FHAD1: variants seen among roughly 807,000 people sequenced by gnomAD.
The protein encoded by FHAD1 is forkhead-associated domain-containing protein 1.
A neutral mutation model predicts 191.3 loss-of-function variants in FHAD1; 146 were observed. That is an observed-to-expected ratio of 0.76 (90% CI 0.67 to 0.88). The LOEUF (loss-of-function observed/expected upper bound fraction) is 0.88, where lower values mean the gene tolerates loss of function less well. Among genes scored for constraint, FHAD1 ranks in the 40% least tolerant of loss-of-function variants. The pLI is 0.00. For missense variants in FHAD1, 1,635 were observed against 1,785.8 expected, an observed-to-expected ratio of 0.92 and a Z score of 1.52; for synonymous variants, 616 against 672.3, an observed-to-expected ratio of 0.92 and a Z score of 1.29.
intron 6 of FHAD1, chr1:15,305,715 G>A (rs1170134089): frequency 5.9e-5 from 26 of 438,152 alleles, no homozygotes; most frequent in Non-Finnish European, 9.1e-6. Context: ...GTTTTATCAG[G>A]GGTTTCCGCT....
chr1:15,258,668 C>T (rs527397008), intron 2 of FHAD1, among the ~76,000 whole-genome samples: 1 of 151,844 alleles, frequency 6.6e-6, no homozygotes, highest in South Asian at 2.1e-4. Flanking sequence ...CACTGCCAAC[C>T]TCTGCCACCC....
intron 28 of FHAD1, among the ~76,000 whole-genome samples, chr1:15,377,880 A>C (rs766075850): frequency 6.6e-6 from 1 of 152,132 alleles, no homozygotes; most frequent in South Asian, 2.1e-4. Flanking sequence ...GAGGAAGAAC[A>C]GCTGGCATTT....
At chr1:15,348,968 A>G in intron 18 of FHAD1, 74 bp from the exon 19 acceptor site, 1 of 893,100 alleles carries the variant, frequency 1.1e-6, no homozygotes, top group Non-Finnish European at 1.8e-6. Flanking sequence ...TATTATTATT[A>G]TTATCATTAT....
At position 15,338,478 on chromosome 1, in the gene FHAD1, T is replaced by A. The variant is rs117654523; in HGVS notation, c.1907-1003T>A. ...CCTTATAAGAAGCCATGTGATGACA[T>A]TGGGTCCACCCAGATAATCCAGGAT... On this transcript the variant is annotated intron_variant, in intron 14 of 33. Transcript: ENST00000688493. Among the ~76,000 whole-genome samples, 23 of 152,300 alleles carry A rather than the reference T, an allele frequency of 1.5e-4. 1 individual carries two copies. In the East Asian group the frequency reaches 4.4e-3, roughly 29 times the overall value.
intron 20 of FHAD1, among the ~76,000 whole-genome samples, chr1:15,353,507 C>A (rs1203144526): frequency 6.6e-6 from 1 of 151,882 alleles, no homozygotes; most frequent in African/African-American, 2.4e-5. Flanking sequence ...GAGTTCGAGA[C>A]CAGCCTGGCC....
At chr1:15,364,149 A>C (rs1484826968) in intron 23 of FHAD1, 2 of 217,212 alleles carry the variant, frequency 9.2e-6, no homozygotes, top group Non-Finnish European at 1.9e-5. Flanking sequence ...TTGTGGTTGC[A>C]GCCAAGAACA....
At chr1:15,362,596 G>A (rs1485334325) in intron 22 of FHAD1, 46 bp from the exon 23 acceptor site, 1 of 1,467,294 alleles carries the variant, frequency 6.8e-7, no homozygotes. Flanking sequence ...AAGCAAAGGG[G>A]AAGGACAGTT....
rs374037106 is a variant in FHAD1, at chr1:15,325,330, CGT to C, written c.1473+784_1473+785del. On this transcript the variant is annotated intron_variant, in intron 11 of 33. Coordinates refer to ENST00000688493, the MANE Select transcript of FHAD1 (RefSeq NM_001391957.1). The surrounding 1 kb of genome is among the most constrained non-coding windows in gnomAD (Gnocchi z 4.6). Reference sequence around the variant, plus strand: ...TGGTTTGCACACACACGTGTGTGTGCGTGTGTGTGTGTGTATTACTGGGAAGG... The same window carrying C: ...TGGTTTGCACACACACGTGTGTGTGCGTGTGTGTGTGTATTACTGGGAAGG... The C allele has an allele frequency of 6.0e-5, 9 of 151,136 alleles. No individual in the cohort carries two copies. The highest frequency in any genetic ancestry group is 4.2e-4 in the South Asian group (2 of 4,746). 9.4% of individuals were successfully genotyped at this position (151,136 alleles called of 1,614,324 possible). A position where few individuals can be genotyped will look rare whatever the true frequency, so the allele number is the denominator to read the frequency against.
intron 28 of FHAD1, among the ~76,000 whole-genome samples, chr1:15,377,416 A>T (rs1230070826): frequency 6.6e-6 from 1 of 151,994 alleles, no homozygotes; most frequent in Non-Finnish European, 1.5e-5. Context: ...CCACAGACTG[A>T]CCCGCTCCCA....
rs770900263 is a variant in FHAD1, at chr1:15,358,229, C to T, written c.2682C>T (p.Leu894=). The part of the protein sequence containing the change: ...KATESLKAES[L]ALKLNETLAE... ...CTGAAAGTCTAAAAGCAGAGAGCCT[C>T]GCCTTGAAATTAAATGAAACATTAG... The change falls in exon 21 of 34, where the codon CTC becomes CTT. Residue 894 remains leucine, a synonymous_variant. Transcript: ENST00000688493. The T allele has an allele frequency of 1.1e-4, 168 of 1,540,612 alleles. No homozygotes were observed. Among genetic ancestry groups the T allele is most frequent in the Admixed American group, 2.3e-4 (11 of 47,230 alleles).
chr1:15,296,160 C>T (rs755601668), intron 4 of FHAD1, among the ~76,000 whole-genome samples: 1 of 152,132 alleles, frequency 6.6e-6, no homozygotes, highest in Non-Finnish European at 1.5e-5. Flanking sequence ...CAGCAGTTAT[C>T]AAAGGAAGAA....
chr1:15,238,432 G>A lies in FHAD1; in HGVS notation c.-15+1671G>A, dbSNP rs569105569. Among the ~76,000 whole-genome samples, 53 of 152,194 alleles carry A rather than the reference G, an allele frequency of 3.5e-4. No individual in the cohort carries two copies. The East Asian group carries it at 9.3e-3, about 27-fold the overall frequency. ...TTTCTCAAAAGGTAGGAATCATGTT[G>A]GCTTGCTGTTGATGGAAACTCAGGG... On this transcript the variant is annotated intron_variant, in intron 1 of 33. Coordinates refer to the FHAD1 transcript ENST00000683790.
chr1:15,243,734 C>G (rs1359023384), upstream of FHAD1, among the ~76,000 whole-genome samples: 1 of 152,246 alleles, frequency 6.6e-6, no homozygotes, highest in Non-Finnish European at 1.5e-5. Flanking sequence ...GCCCCCTTCA[C>G]TCCCTGCCCT....
At position 15,289,408 on chromosome 1, in the gene FHAD1, C is replaced by T. The variant is rs1222989527; in HGVS notation, c.310C>T (p.Pro104Ser). The T allele has an allele frequency of 6.4e-7, 1 of 1,551,672 alleles. No homozygotes were observed. The highest frequency in any genetic ancestry group is 8.7e-7 in the Non-Finnish European group (1 of 1,146,964). Residue 104 changes from proline (P) to serine (S), a missense_variant, in exon 4 of 34, where the codon CCA becomes TCA. By Grantham distance (74) the Pro-to-Ser change is moderately conservative (BLOSUM62 -1). Coordinates refer to ENST00000688493, the MANE Select transcript of FHAD1 (RefSeq NM_001391957.1). This position sits in a 1 kb window ranked among gnomAD's most constrained non-coding sequence, Gnocchi z 4.2. ...VIENPPPVSFPWMRGPAPWPG... is the reference protein window; with the variant it reads ...VIENPPPVSFSWMRGPAPWPG... Reference sequence around the variant, plus strand: ...TTGTCTGCCCCTGCAGGTCTCTTTCCCATGGATGAGGGGCCCAGCACCATG... The same window carrying T: ...TTGTCTGCCCCTGCAGGTCTCTTTCTCATGGATGAGGGGCCCAGCACCATG...
chr1:15,392,054 G>A (rs1241526292), intron 33 of FHAD1, among the ~76,000 whole-genome samples: 1 of 152,182 alleles, frequency 6.6e-6, no homozygotes, highest in African/African-American at 2.4e-5. Flanking sequence ...ATATTGTGGT[G>A]CTCTTAGATG....
chr1:15,280,787 C>T (rs1390441420), intron 3 of FHAD1, among the ~76,000 whole-genome samples: 1 of 152,188 alleles, frequency 6.6e-6, no homozygotes, highest in East Asian at 1.9e-4. Flanking sequence ...TCCTTAGATT[C>T]TCTTTCCCAT....
downstream of FHAD1, among the ~76,000 whole-genome samples, chr1:15,402,748 G>C (rs1162928382): frequency 6.6e-6 from 1 of 152,194 alleles, no homozygotes; most frequent in Non-Finnish European, 1.5e-5. Context: ...CAGAGCAAGT[G>C]TTGGAGCCCA....
At chr1:15,333,054 G>A (rs1682383086) in intron 14 of FHAD1, among the ~76,000 whole-genome samples, 1 of 152,102 alleles carries the variant, frequency 6.6e-6, no homozygotes, top group African/African-American at 2.4e-5. Context: ...TACATATTCT[G>A]TGATTACAAC....
At chr1:15,278,629 A>G (rs1659377480) in intron 3 of FHAD1, among the ~76,000 whole-genome samples, 1 of 152,060 alleles carries the variant, frequency 6.6e-6, no homozygotes, top group South Asian at 2.1e-4. Context: ...GTGTGCCACC[A>G]TGCCCAGCTA....
Sources: gnomAD v4.1 joint callset for allele counts (sites outside exome capture counted in the v4.1 genomes callset) on GRCh38, gnomAD v4.1.1 for gene constraint, Gnocchi (gnomAD v3.1) non-coding constraint, MANE v1.5 for transcripts, NCBI Gene and HGNC (gene_info 2026-07-23, HGNC 2026-07-21) for gene names.